Variants in GRK3 observed in about 807,000 individuals in gnomAD.
The protein encoded by GRK3 is G protein-coupled receptor kinase 3.
In GRK3, 54 loss-of-function variants were observed where a neutral mutation model predicts 95.7. The ratio of observed to expected loss-of-function variants is 0.56; its 90% CI spans 0.45 to 0.71. The LOEUF is 0.71. Among genes scored for constraint, GRK3 ranks in the 30% least tolerant of loss-of-function variants. GRK3 has a pLI of 0.00. For synonymous variants in GRK3, 281 were observed against 290.8 expected, an observed-to-expected ratio of 0.97 and a Z score of 0.34; for missense variants, 649 against 851.2, an observed-to-expected ratio of 0.76 and a Z score of 2.96.
intron 19 of GRK3, among the ~76,000 whole-genome samples, chr22:25,720,467 CTTTT>C (rs963248407): frequency 9.7e-6 from 1 of 102,574 alleles, no homozygotes; most frequent in African/African-American, 3.9e-5. Flanking sequence ...ATACTATAGA[CTTTT>C]TTTTTTTTTT....
Position 25,604,418 on chromosome 22 carries a change from A to G in GRK3, c.155A>G (p.Glu52Gly), listed in dbSNP as rs774167105. The change falls in exon 2 of 21, where the codon GAA becomes GGA. Residue 52 changes from glutamate to glycine, a missense_variant. Coordinates refer to ENST00000324198, the MANE Select transcript of GRK3 (RefSeq NM_005160.4). ...VMQKYLAERN[E>G]ITFDKIFNQK... ...CAGAAGTACCTTGCAGAGAGAAATG[A>G]AATAACCTTTGACAAGATTTTCAAT... 6.2e-7 allele frequency: 1 copy of G among 1,612,324 alleles called. No homozygotes were observed. Among genetic ancestry groups the G allele is most frequent in the Admixed American group, 1.7e-5 (1 of 59,564 alleles).
chr22:25,590,957 T>G (rs943982502), intron 1 of GRK3, among the ~76,000 whole-genome samples: 1 of 152,206 alleles, frequency 6.6e-6, no homozygotes, highest in African/African-American at 2.4e-5. Context: ...TCAATTGTCT[T>G]ACCAGCTGGG....
Position 25,674,542 on chromosome 22 carries a change from G to A in GRK3, c.647+14G>A. 3 of 1,576,354 alleles carry A rather than the reference G, an allele frequency of 1.9e-6. No homozygotes were observed. The highest frequency in any genetic ancestry group is 2.2e-5 in the South Asian group (2 of 88,968). ...CACTGGAAAAATGTAAGCTTTCAAT[G>A]CTCTTATGTTTTACTGGCACTATTA... On this transcript the variant is annotated intron_variant, in intron 8 of 20. Transcript: ENST00000324198.
In GRK3 at chr22:25,661,646, A is replaced by G. The variant is rs2084910322; in HGVS notation, c.335A>G (p.Tyr112Cys). 4 of 1,611,846 alleles carry G rather than the reference A, an allele frequency of 2.5e-6. No homozygotes were observed. Among genetic ancestry groups the G allele is most frequent in the Non-Finnish European group, 2.5e-6 (3 of 1,178,252 alleles). ...AGAAGTCGACAAATTTATGATGCCTACATCATGAAGGAACTTCTTTCCTGT... is the reference window on the plus strand; with the variant it reads ...AGAAGTCGACAAATTTATGATGCCTGCATCATGAAGGAACTTCTTTCCTGT... ...LCRSRQIYDA[Y>C]IMKELLSCSH... The change falls in exon 4 of 21, where the codon TAC (tyrosine) becomes TGC (cysteine). Residue 112 changes from tyrosine (Y) to cysteine (C), a missense_variant. Physicochemically the swap from Tyr to Cys is radical, Grantham distance 194 (BLOSUM62 -2). Transcript: ENST00000324198.
At chr22:25,671,208 C>T (rs888003123) in intron 6 of GRK3, among the ~76,000 whole-genome samples, 1 of 151,814 alleles carries the variant, frequency 6.6e-6, no homozygotes, top group South Asian at 2.1e-4. Context: ...CACGTGGTGG[C>T]GGGCGCCTGT....
In GRK3 at chr22:25,705,858, C is replaced by T. The variant is rs142837389; in HGVS notation, c.1328+1649C>T. On this transcript the variant is annotated intron_variant, in intron 15 of 20. Transcript: ENST00000324198. ...TTCTAAGGAAGTAATAATTTTCCCC[C>T]AGAGCTTTGAAACTCTTACTTTATT... is the stretch of plus-strand genomic sequence containing the variant. Among the ~76,000 whole-genome samples, 256 of 152,276 alleles carry T rather than the reference C, an allele frequency of 1.7e-3. 2 individuals are homozygous for T. The Middle Eastern group carries it at 0.024, about 14-fold the overall frequency.
chr22:25,725,537 T>G lies in GRK3; in HGVS notation c.*3087T>G, dbSNP rs933053004. ...GTTTTCCTTCTTTGTCATATTTAAG[T>G]ATGATTTTTCAACAAAACTTCTAGA... On this transcript the variant is annotated 3_prime_UTR_variant, in exon 21 of 21. Transcript: ENST00000324198. 2.5e-6 allele frequency: 1 copy of G among 398,596 alleles called. No homozygotes were observed. The highest frequency in any genetic ancestry group is 4.4e-5 in the Admixed American group (1 of 22,722). 24.7% of individuals were successfully genotyped at this position (398,596 alleles called of 1,614,324 possible).
chr22:25,672,967 C>T (rs2084994987), intron 7 of GRK3, among the ~76,000 whole-genome samples: 1 of 151,152 alleles, frequency 6.6e-6, no homozygotes, highest in African/African-American at 2.4e-5. Flanking sequence ...TTATAATCTC[C>T]CTTCTCATAG....
At chr22:25,625,308 G>A (rs553771067) in intron 2 of GRK3, among the ~76,000 whole-genome samples, 1 of 152,190 alleles carries the variant, frequency 6.6e-6, no homozygotes, top group South Asian at 2.1e-4. Flanking sequence ...AATAATCCTC[G>A]CTCTGCAATC....
chr22:25,687,465 A>G, intron 10 of GRK3, 72 bp from the exon 11 acceptor site: 3 of 1,542,922 alleles, frequency 1.9e-6, no homozygotes, highest in Admixed American at 1.7e-5. Flanking sequence ...AGTCCTGACT[A>G]TTTAGGATGA....
intron 3 of GRK3, chr22:25,648,347 C>T: frequency 7.8e-7 from 1 of 1,283,332 alleles, no homozygotes; most frequent in Admixed American, 1.7e-5. Context: ...ATGGTTTATG[C>T]CACAAGTTAA....
chr22:25,581,793 T>C (rs1218492585), intron 1 of GRK3, among the ~76,000 whole-genome samples: 4 of 151,992 alleles, frequency 2.6e-5, no homozygotes, highest in Non-Finnish European at 5.9e-5. Context: ...ACGGCTCTGA[T>C]GTTTAAATTT....
intron 3 of GRK3, among the ~76,000 whole-genome samples, chr22:25,645,517 G>C (rs903615530): frequency 6.6e-6 from 1 of 152,198 alleles, no homozygotes; most frequent in African/African-American, 2.4e-5. Context: ...CAAACTGAGT[G>C]GGGTGGGAGG....
intron 18 of GRK3, among the ~76,000 whole-genome samples, chr22:25,716,378 G>A (rs532745406): frequency 1.6e-4 from 25 of 152,234 alleles, no homozygotes; most frequent in Non-Finnish European, 3.2e-4. Context: ...AATCAATGTC[G>A]ACTTGCTCAA....
intron 14 of GRK3, 30 bp downstream of exon 14, chr22:25,703,606 T>G: frequency 6.8e-7 from 1 of 1,481,018 alleles, no homozygotes; most frequent in Non-Finnish European, 9.4e-7. Context: ...TATTCTTGTC[T>G]GTATGGTAAT....
intron 2 of GRK3, among the ~76,000 whole-genome samples, chr22:25,635,539 C>T (rs71321056): frequency 6.6e-6 from 1 of 152,184 alleles, no homozygotes; most frequent in Non-Finnish European, 1.5e-5. Flanking sequence ...ATTTCCTTCT[C>T]ATACCTTTAG....
chr22:25,579,574 G>A (rs765749889), intron 1 of GRK3, among the ~76,000 whole-genome samples: 5 of 151,808 alleles, frequency 3.3e-5, no homozygotes, highest in African/African-American at 4.8e-5. Context: ...CCGGGTTCAC[G>A]GCATTCTCCT....
chr22:25,583,469 C>G (rs1481488035), intron 1 of GRK3, among the ~76,000 whole-genome samples: 1 of 151,726 alleles, frequency 6.6e-6, no homozygotes, highest in East Asian at 1.9e-4. Flanking sequence ...ATCAGCCTTG[C>G]CCACGGTCCC....
At chr22:25,713,633 C>T (rs2085361156) in intron 17 of GRK3, among the ~76,000 whole-genome samples, 1 of 152,192 alleles carries the variant, frequency 6.6e-6, no homozygotes, top group African/African-American at 2.4e-5. Flanking sequence ...CATGTATTTA[C>T]CAGCAGGCTT....
Sources: gnomAD v4.1 joint callset for allele counts (sites outside exome capture counted in the v4.1 genomes callset) on GRCh38, gnomAD v4.1.1 for gene constraint, MANE v1.5 for transcripts, NCBI Gene and HGNC (gene_info 2026-07-23, HGNC 2026-07-21) for gene names.